P2RY8: variants seen among roughly 807,000 people sequenced by gnomAD.
The protein encoded by P2RY8 is P2Y receptor family member 8, also known as S-geranylgeranyl-glutathione receptor P2RY8.
A neutral mutation model predicts 10.0 loss-of-function variants in P2RY8; 6 were observed. The observed-to-expected ratio is 0.60, with a 90% confidence interval of 0.33 to 1.19. The LOEUF (loss-of-function observed/expected upper bound fraction) is 1.19, where lower values mean the gene tolerates loss of function less well. P2RY8 is among the 50% of genes most tolerant of loss of function. The pLI, the probability that P2RY8 is intolerant of heterozygous loss-of-function variation, is 0.04. For synonymous variants in P2RY8, 276 were observed against 252.5 expected (o/e 1.09, Z -0.88); for missense variants, 456 against 542.0 (o/e 0.84, Z 1.58).
chrX:1,488,197 C>G (rs1288042481), intron 1 of P2RY8, among the ~76,000 whole-genome samples: 17 of 152,198 alleles, frequency 1.1e-4, no homozygotes, highest in Admixed American at 3.9e-4. Flanking sequence ...GCCCCTCAGC[C>G]TGCCTGAGTT....
At chrX:1,513,215 C>A (rs1195268315) in intron 1 of P2RY8, among the ~76,000 whole-genome samples, 2 of 149,140 alleles carry the variant, frequency 1.3e-5, no homozygotes, top group Non-Finnish European at 3.0e-5. Flanking sequence ...TTTTTTATGA[C>A]TGCATAGTAT....
In P2RY8 at chrX:1,465,857, G is replaced by T; in HGVS notation, c.702C>A (p.Arg234=). The change falls in exon 2 of 2, where the codon CGC becomes CGA. Residue 234 remains arginine, a synonymous_variant. Coordinates refer to ENST00000381297, the MANE Select transcript of P2RY8 (RefSeq NM_178129.5). ...EEAHGREQRR[R]AVGLAAVVLL... ...AGACCACCGCGGCCAGGCCCACCGC[G>T]CGCCTCCGCTGCTCCCGGCCGTGCG... is the stretch of plus-strand genomic sequence containing the variant. 6.2e-7 allele frequency: 1 copy of T among 1,612,568 alleles called. No homozygotes were observed. The highest frequency in any genetic ancestry group is 1.1e-5 in the South Asian group (1 of 91,028).
At chrX:1,490,739 G>A (rs867418952) in intron 1 of P2RY8, among the ~76,000 whole-genome samples, 14 of 149,428 alleles carry the variant, frequency 9.4e-5, no homozygotes, top group Non-Finnish European at 1.5e-4. Context: ...CACAAATGTG[G>A]GGGGAATGAA....
At position 1,497,287 on chromosome X, in the gene P2RY8, G is replaced by GT. The variant is rs778589889; in HGVS notation, c.-24-30706dup. ...TCAAACATCACAGAGAGAGATCAAT[G>GT]TTTTTTTTTTTAAATAGCATGTTAA... On this transcript the variant is annotated intron_variant, in intron 1 of 1. Coordinates refer to ENST00000381297, the MANE Select transcript of P2RY8 (RefSeq NM_178129.5). Among the ~76,000 whole-genome samples, 449 of 140,070 alleles carry GT rather than the reference G, an allele frequency of 3.2e-3. 10 individuals carry two copies. In the East Asian group the frequency reaches 0.037, roughly 12 times the overall value. 91.9% of individuals were successfully genotyped at this position (140,070 alleles called of 152,430 possible).
At chrX:1,497,529 G>A (rs113207556) in intron 1 of P2RY8, among the ~76,000 whole-genome samples, 18,921 of 151,570 alleles carry the variant, frequency 0.12, 2,203 homozygotes, top group African/African-American at 0.31. Context: ...ATGGTGGCGG[G>A]TGCCTGTAAT....
intron 1 of P2RY8, among the ~76,000 whole-genome samples, chrX:1,483,056 C>G (rs1300560008): frequency 6.6e-6 from 1 of 151,952 alleles, no homozygotes; most frequent in Non-Finnish European, 1.5e-5. Context: ...AACAAACCTG[C>G]ACGTTGTGCA....
Position 1,465,571 on chromosome X carries a change from T to G in P2RY8, c.988A>C (p.Thr330Pro), listed in dbSNP as rs1163666662. 2 of 1,612,774 alleles carry G rather than the reference T, an allele frequency of 1.2e-6. No homozygotes were observed. Among genetic ancestry groups the G allele is most frequent in the Non-Finnish European group, 1.7e-6 (2 of 1,179,798 alleles). ...CCGGCCTCGGAGCGCACGGACGTGGTCCTGGCGGAGAAGAGGCTCTCGCGG... is the reference window on the plus strand; with the variant it reads ...CCGGCCTCGGAGCGCACGGACGTGGGCCTGGCGGAGAAGAGGCTCTCGCGG... ...TRRESLFSAR[T>P]TSVRSEAGAH... The change falls in exon 2 of 2, where the codon ACC (threonine) becomes CCC (proline). Residue 330 changes from threonine to proline, a missense_variant. Coordinates refer to ENST00000381297, the MANE Select transcript of P2RY8 (RefSeq NM_178129.5).
intron 1 of P2RY8, among the ~76,000 whole-genome samples, chrX:1,517,183 G>C (rs1465097447): frequency 1.3e-5 from 2 of 151,600 alleles, no homozygotes. Flanking sequence ...CCCAGTCTAT[G>C]GTATTCTGTG....
chrX:1,516,612 G>T (rs750232899), intron 1 of P2RY8, among the ~76,000 whole-genome samples: 10 of 151,482 alleles, frequency 6.6e-5, no homozygotes, highest in Non-Finnish European at 1.2e-4. Flanking sequence ...CAGGAGAGAG[G>T]CCTCAGGAGG....
intron 1 of P2RY8, among the ~76,000 whole-genome samples, chrX:1,481,964 G>C (rs1211173567): frequency 6.6e-6 from 1 of 152,268 alleles, no homozygotes; most frequent in Non-Finnish European, 1.5e-5. Context: ...TTTGCCCAGC[G>C]AGATTTGCAT....
chrX:1,521,582 G>A (rs1311500915), intron 1 of P2RY8, among the ~76,000 whole-genome samples: 2 of 152,156 alleles, frequency 1.3e-5, no homozygotes, highest in African/African-American at 4.8e-5. Flanking sequence ...CAGGCCGGAG[G>A]ACACTCTGCA....
intron 1 of P2RY8, among the ~76,000 whole-genome samples, chrX:1,530,277 C>CTATCTATT (rs1226181444): frequency 2.7e-5 from 4 of 147,254 alleles, no homozygotes; most frequent in Non-Finnish European, 4.5e-5. Flanking sequence ...CATTATCTAT[C>CTATCTATT]TATCTATCTA....
intron 1 of P2RY8, among the ~76,000 whole-genome samples, chrX:1,516,068 G>T (rs1310961481): frequency 6.6e-6 from 1 of 150,488 alleles, no homozygotes; most frequent in African/African-American, 2.4e-5. Flanking sequence ...GCGGTGGCAG[G>T]CACCTGTAAT....
intron 1 of P2RY8, among the ~76,000 whole-genome samples, chrX:1,517,626 GAGA>G (rs1440499850): frequency 1.3e-5 from 2 of 152,194 alleles, no homozygotes; most frequent in East Asian, 1.9e-4. Flanking sequence ...AGCTCCGGCA[GAGA>G]AGAAGCCTGG....
chrX:1,482,293 G>GAA (rs770409627), intron 1 of P2RY8, among the ~76,000 whole-genome samples: 6,860 of 129,732 alleles, frequency 0.053, 465 homozygotes, highest in African/African-American at 0.15. Flanking sequence ...GCCATTTGGT[G>GAA]AAAAAAAAAA....
chrX:1,478,246 CGTATGT>C (rs1438509115), intron 1 of P2RY8, among the ~76,000 whole-genome samples: 4 of 141,166 alleles, frequency 2.8e-5, no homozygotes, highest in Admixed American at 7.0e-5. Context: ...TGCTGGCAGG[CGTATGT>C]GTGTGTGTGT....
chrX:1,505,055 G>A (rs1488985143), intron 1 of P2RY8, among the ~76,000 whole-genome samples: 30 of 150,288 alleles, frequency 2.0e-4, no homozygotes, highest in African/African-American at 4.4e-4. Flanking sequence ...GGAGAATGGC[G>A]TGAACCCGGG....
chrX:1,511,731 G>T (rs1320565354), intron 1 of P2RY8, among the ~76,000 whole-genome samples: 3 of 152,220 alleles, frequency 2.0e-5, no homozygotes. Flanking sequence ...TGACGGCACT[G>T]AGCATTGCCT....
chrX:1,528,885 A>AGTTGGAT (rs2092456611), intron 1 of P2RY8, among the ~76,000 whole-genome samples: 1 of 151,888 alleles, frequency 6.6e-6, no homozygotes, highest in African/African-American at 2.4e-5. Flanking sequence ...TCTTTGAATG[A>AGTTGGAT]GTTGGATTTG....
Sources: allele counts gnomAD v4.1 joint callset (sites outside exome capture counted in the v4.1 genomes callset), GRCh38; gene constraint gnomAD v4.1.1; transcripts MANE v1.5; gene names NCBI Gene and HGNC (gene_info 2026-07-23, HGNC 2026-07-21).